Variants in CDKAL1 observed in about 807,000 individuals in gnomAD.
CDKAL1 encodes threonylcarbamoyladenosine tRNA methylthiotransferase.
Under a neutral mutation model 68.2 loss-of-function variants are expected in CDKAL1, and 32 were observed. The observed-to-expected ratio is 0.47, with a 90% CI of 0.35 to 0.63. CDKAL1 has a LOEUF of 0.63. CDKAL1 is among the 30% of genes least tolerant of loss of function. CDKAL1 has a pLI of 0.00. For missense variants in CDKAL1, 606 were observed against 696.7 expected, an observed-to-expected ratio of 0.87 and a Z score of 1.47; for synonymous variants, 234 against 244.3, an observed-to-expected ratio of 0.96 and a Z score of 0.39.
chr6:20,908,565 G>A (rs1762330600), intron 9 of CDKAL1, among the ~76,000 whole-genome samples: 1 of 151,978 alleles, frequency 6.6e-6, no homozygotes, highest in Non-Finnish European at 1.5e-5. Flanking sequence ...TAAATATTTA[G>A]TTTTTTTATC....
chr6:20,956,059 G>T (rs1351626310), intron 10 of CDKAL1, among the ~76,000 whole-genome samples: 1 of 152,188 alleles, frequency 6.6e-6, no homozygotes, highest in African/African-American at 2.4e-5. Flanking sequence ...ATACATAGGG[G>T]TGAAGTTGAA....
At chr6:20,758,484 C>T (rs1774326156) in intron 6 of CDKAL1, 111 bp from the exon 7 acceptor site, 3 of 753,220 alleles carry the variant, frequency 4.0e-6, no homozygotes, top group South Asian at 4.0e-5. Flanking sequence ...TTAAAGGAAA[C>T]CTGCATTGAT....
At chr6:21,020,261 G>A (rs1043905539) in intron 11 of CDKAL1, among the ~76,000 whole-genome samples, 4 of 151,984 alleles carry the variant, frequency 2.6e-5, no homozygotes, top group African/African-American at 7.3e-5. Context: ...ATTTAATGGC[G>A]GGGGCAGTGT....
chr6:21,190,825 G>C (rs531505176), intron 13 of CDKAL1, among the ~76,000 whole-genome samples: 159 of 152,192 alleles, frequency 1.0e-3, no homozygotes, highest in Admixed American at 7.9e-3. Context: ...CGTCCTTTGT[G>C]AATTTTTTGT....
At chr6:21,037,277 T>A (rs1377158288) in intron 11 of CDKAL1, among the ~76,000 whole-genome samples, 1 of 152,116 alleles carries the variant, frequency 6.6e-6, no homozygotes, top group African/African-American at 2.4e-5. Flanking sequence ...CAGGGGAATA[T>A]GTGATAAGAT....
intron 11 of CDKAL1, among the ~76,000 whole-genome samples, chr6:21,029,202 C>T (rs1769127186): frequency 6.6e-6 from 1 of 152,086 alleles, no homozygotes; most frequent in East Asian, 1.9e-4. Flanking sequence ...CAGGTGCCAC[C>T]ACATCTGGCT....
chr6:20,611,655 A>T (rs920810548), intron 4 of CDKAL1, among the ~76,000 whole-genome samples: 1 of 152,174 alleles, frequency 6.6e-6, no homozygotes, highest in African/African-American at 2.4e-5. Flanking sequence ...GGTACGTGTA[A>T]TATTTTGTTA....
At chr6:20,611,307 T>A (rs1766607211) in intron 4 of CDKAL1, among the ~76,000 whole-genome samples, 1 of 152,184 alleles carries the variant, frequency 6.6e-6, no homozygotes, top group South Asian at 2.1e-4. Context: ...TTTCTTTATG[T>A]TCTCCATTTC....
chr6:21,135,066 T>C (rs1252055782), intron 13 of CDKAL1, among the ~76,000 whole-genome samples: 1 of 152,142 alleles, frequency 6.6e-6, no homozygotes, highest in African/African-American at 2.4e-5. Flanking sequence ...CTGATGTAGT[T>C]CTAGGAATTT....
intron 10 of CDKAL1, among the ~76,000 whole-genome samples, chr6:20,989,607 T>G (rs1248946277): frequency 6.6e-6 from 1 of 152,244 alleles, no homozygotes; most frequent in Non-Finnish European, 1.5e-5. Context: ...GAGCTGCCCT[T>G]TCCCCATTAA....
intron 4 of CDKAL1, among the ~76,000 whole-genome samples, chr6:20,583,952 G>A (rs963941266): frequency 6.6e-6 from 1 of 151,516 alleles, no homozygotes; most frequent in Non-Finnish European, 1.5e-5. Context: ...AGGAAAGTAA[G>A]TATAGGAAAC....
At chr6:20,596,433 C>G (rs540570758) in intron 4 of CDKAL1, among the ~76,000 whole-genome samples, 74 of 152,298 alleles carry the variant, frequency 4.9e-4, no homozygotes, top group African/African-American at 1.7e-3. Context: ...CTGCCCAGTT[C>G]AAACTTCCTG....
chr6:21,144,732 G>A (rs1776082193), intron 13 of CDKAL1, among the ~76,000 whole-genome samples: 1 of 151,900 alleles, frequency 6.6e-6, no homozygotes, highest in Non-Finnish European at 1.5e-5. Context: ...CCCAGGAGGT[G>A]GAGGCTGCAG....
intron 11 of CDKAL1, among the ~76,000 whole-genome samples, chr6:21,021,412 G>T (rs148267461): frequency 3.9e-4 from 60 of 151,928 alleles, no homozygotes; most frequent in African/African-American, 1.4e-3. Context: ...ATCAATAAAT[G>T]ATACCTAAAA....
At position 20,997,610 on chromosome 6, in the gene CDKAL1, A is replaced by G. The variant is rs1027950407; in HGVS notation, c.910-2617A>G. On this transcript the variant is annotated intron_variant, in intron 10 of 15. Transcript: ENST00000274695. ...TTAACATTTTAATTTGTAAATTGGC[A>G]TACTGTAGCAGGGCAAAGTTTCATC... Among the ~76,000 whole-genome samples, 9 of 152,310 alleles carry G rather than the reference A, an allele frequency of 5.9e-5. No homozygotes were observed. The East Asian group carries it at 1.2e-3, about 20-fold the overall frequency.
chr6:20,652,139 T>C (rs1385246604), intron 5 of CDKAL1, among the ~76,000 whole-genome samples: 1 of 151,960 alleles, frequency 6.6e-6, no homozygotes, highest in Non-Finnish European at 1.5e-5. Flanking sequence ...TTTGAAGGGT[T>C]TTTTGTGTGT....
intron 4 of CDKAL1, among the ~76,000 whole-genome samples, chr6:20,575,135 C>T (rs1764857107): frequency 2.6e-5 from 4 of 151,868 alleles, no homozygotes. Context: ...ATTTAGGTAA[C>T]TCAAAGACAG....
intron 15 of CDKAL1, among the ~76,000 whole-genome samples, chr6:21,230,370 C>A (rs1364160657): frequency 6.6e-6 from 1 of 152,226 alleles, no homozygotes; most frequent in Non-Finnish European, 1.5e-5. Flanking sequence ...CCATGTTGGC[C>A]AGGCTGGTCT....
chr6:20,668,820 TTTC>T (rs1402117077), intron 5 of CDKAL1, among the ~76,000 whole-genome samples: 2 of 152,242 alleles, frequency 1.3e-5, no homozygotes, highest in South Asian at 2.1e-4. Flanking sequence ...TCCTCATTTT[TTTC>T]TTCTTCTTTT....
Sources: gnomAD v4.1 joint callset for allele counts (sites outside exome capture counted in the v4.1 genomes callset) on GRCh38, gnomAD v4.1.1 for gene constraint, MANE v1.5 for transcripts, NCBI Gene and HGNC (gene_info 2026-07-23, HGNC 2026-07-21) for gene names.